NTRK3: variants seen among roughly 807,000 people sequenced by gnomAD.
The protein encoded by NTRK3 is NT-3 growth factor receptor.
Under a neutral mutation model 91.7 loss-of-function variants are expected in NTRK3, and 24 were observed. The ratio of observed to expected loss-of-function variants is 0.26; its 90% CI spans 0.19 to 0.37. The LOEUF (loss-of-function observed/expected upper bound fraction) is 0.37. NTRK3 is among the 10% of genes least tolerant of loss of function. NTRK3 has a pLI of 1.00. For missense variants in NTRK3, 880 were observed against 1,068.9 expected (o/e 0.82, Z 2.46); for synonymous variants, 483 against 404.0 (o/e 1.20, Z -2.34).
Position 87,928,903 on chromosome 15 carries a change from G to A in NTRK3, c.2133+288C>T, listed in dbSNP as rs2068553548. On this transcript the variant is annotated intron_variant, in intron 17 of 18. Coordinates refer to ENST00000394480, the Ensembl canonical transcript of NTRK3. Reference sequence around the variant, plus strand: ...TATACATGTATGAGTATGTTTACATGAAGAATGAGTATTGAAGCACGTAAG... The same window carrying A: ...TATACATGTATGAGTATGTTTACATAAAGAATGAGTATTGAAGCACGTAAG... 2.1e-5 allele frequency: 12 copies of A among 582,742 alleles called. No individual in the cohort carries two copies. The Admixed American group carries it at 3.0e-4, about 15-fold the overall frequency. The allele number at this position is 582,742 out of a possible 1,614,324, so 36.1% of individuals were successfully genotyped here. A position where few individuals can be genotyped will look rare whatever the true frequency, so the allele number is the denominator to read the frequency against.
chr15:87,908,893 A>G (rs2066926091), intron 17 of NTRK3, among the ~76,000 whole-genome samples: 1 of 151,710 alleles, frequency 6.6e-6, no homozygotes, highest in Non-Finnish European at 1.5e-5. Context: ...TGAAGACGCA[A>G]TGGGCTTCCC....
chr15:88,177,045 C>T (rs1310576453), intron 5 of NTRK3, among the ~76,000 whole-genome samples: 1 of 152,020 alleles, frequency 6.6e-6, no homozygotes, highest in East Asian at 1.9e-4. Flanking sequence ...TCAGATGGGC[C>T]AACAGGGACA....
At position 88,012,970 on chromosome 15, in the gene NTRK3, C is replaced by T. The variant is rs533424961; in HGVS notation, c.1585+19887G>A. Among the ~76,000 whole-genome samples the T allele has an allele frequency of 2.7e-3, 416 of 152,294 alleles. 6 individuals carry two copies. The highest frequency in any genetic ancestry group is 2.5e-3 in the Non-Finnish European group (171 of 68,042). On this transcript the variant is annotated intron_variant, in intron 14 of 18. Coordinates refer to ENST00000394480, the Ensembl canonical transcript of NTRK3. ...ACCACACTTGGATAACCCCTGACTT[C>T]GAAGAACAACGGTCTTCTGAAATTC...
At chr15:87,862,539 T>G (rs2064555892) in exon 19 of NTRK3, 1 of 226,840 alleles carries the variant, frequency 4.4e-6, no homozygotes, top group Admixed American at 5.7e-5. Context: ...GTGACTGACT[T>G]GCCTTCCCAA....
chr15:88,176,136 C>CTTTTT (rs139583264), intron 5 of NTRK3, among the ~76,000 whole-genome samples: 2,244 of 115,958 alleles, frequency 0.019, 153 homozygotes, highest in African/African-American at 0.063. Context: ...TATGCCCCTT[C>CTTTTT]TTTTTTTTTT....
chr15:88,218,837 C>T lies in NTRK3; in HGVS notation c.249-34538G>A, dbSNP rs903458177. On this transcript the variant is annotated intron_variant, in intron 3 of 18. Transcript: ENST00000394480. Reference sequence around the variant, plus strand: ...GTGAGAGGTGGAGCTTTAGAGTGCTCAGGAATCCCTTGCCCTAAGAGTTCT... The same window carrying T: ...GTGAGAGGTGGAGCTTTAGAGTGCTTAGGAATCCCTTGCCCTAAGAGTTCT... 5.3e-4 allele frequency among the ~76,000 whole-genome samples: 80 copies of T among 152,236 alleles called. 5 individuals are homozygous for T. Among genetic ancestry groups the T allele is most frequent in the Non-Finnish European group, 8.8e-5 (6 of 68,044 alleles).
At chr15:88,053,857 A>C (rs1464607807) in intron 13 of NTRK3, among the ~76,000 whole-genome samples, 1 of 152,254 alleles carries the variant, frequency 6.6e-6, no homozygotes, top group Non-Finnish European at 1.5e-5. Flanking sequence ...TGGAACTGGT[A>C]AAAATCAGAA....
intron 15 of NTRK3, among the ~76,000 whole-genome samples, chr15:87,933,645 G>T (rs925259441): frequency 6.6e-6 from 1 of 152,226 alleles, no homozygotes; most frequent in African/African-American, 2.4e-5. Flanking sequence ...TTGGAAACTG[G>T]GCAGGCAACA....
chr15:88,243,567 C>CACACACACACACAT lies in NTRK3; in HGVS notation c.248+12338_248+12339insATGTGTGTGTGTGT, dbSNP rs1555571958. 3.3e-4 allele frequency among the ~76,000 whole-genome samples: 49 copies of CACACACACACACAT among 150,550 alleles called. No homozygotes were observed. The highest frequency in any genetic ancestry group is 1.2e-3 in the African/African-American group (48 of 40,732). On this transcript the variant is annotated intron_variant, in intron 3 of 18. Coordinates refer to ENST00000394480, the Ensembl canonical transcript of NTRK3. This position sits in a 1 kb window ranked among gnomAD's most constrained non-coding sequence, Gnocchi z 4.8. Reference sequence around the variant, plus strand: ...ACACACACACACACACACACACACACACACACACACTGAGCAAAAGGTATT... The same window carrying CACACACACACACAT: ...ACACACACACACACACACACACACACACACACACACACATACACACACACTGAGCAAAAGGTATT...
At chr15:88,212,896 C>A (rs752773334) in intron 3 of NTRK3, among the ~76,000 whole-genome samples, 3 of 152,198 alleles carry the variant, frequency 2.0e-5, no homozygotes, top group Non-Finnish European at 4.4e-5. Context: ...GAGTCCAACT[C>A]CATCCTCACC....
At chr15:87,872,126 A>G (rs1224020307) in exon 19 of NTRK3, 1 of 221,538 alleles carries the variant, frequency 4.5e-6, no homozygotes, top group Non-Finnish European at 9.0e-6. Context: ...GCTCCCTACC[A>G]AAGCAGACAA....
chr15:88,164,940 G>A (rs191583853), intron 5 of NTRK3, among the ~76,000 whole-genome samples: 1 of 152,234 alleles, frequency 6.6e-6, no homozygotes, highest in Non-Finnish European at 1.5e-5. Flanking sequence ...GAAGAGATCT[G>A]GTAGTGTTCA....
intron 14 of NTRK3, among the ~76,000 whole-genome samples, chr15:87,943,642 G>A (rs1471868857): frequency 1.3e-5 from 2 of 152,112 alleles, no homozygotes; most frequent in African/African-American, 4.8e-5. Flanking sequence ...TTTTTCAGCT[G>A]CTGTGCCTCG....
intron 14 of NTRK3, among the ~76,000 whole-genome samples, chr15:87,983,558 C>A (rs544015417): frequency 3.3e-5 from 5 of 152,136 alleles, no homozygotes; most frequent in Non-Finnish European, 7.3e-5. Flanking sequence ...ACCTCAACAT[C>A]CCCAAAAGGT....
chr15:87,993,887 G>C (rs2075475904), intron 14 of NTRK3, among the ~76,000 whole-genome samples: 1 of 152,200 alleles, frequency 6.6e-6, no homozygotes, highest in South Asian at 2.1e-4. Flanking sequence ...AAAACCCAGT[G>C]CCAAGAATGG....
chr15:88,089,703 TGA>T (rs1305780993), intron 13 of NTRK3, among the ~76,000 whole-genome samples: 2 of 152,184 alleles, frequency 1.3e-5, no homozygotes, highest in African/African-American at 4.8e-5. Context: ...TCTGTACTCT[TGA>T]GCAGGGCACA....
intron 17 of NTRK3, among the ~76,000 whole-genome samples, chr15:87,917,007 C>G (rs978575182): frequency 1.3e-5 from 2 of 152,154 alleles, no homozygotes; most frequent in Non-Finnish European, 2.9e-5. Context: ...CAAGTGATCC[C>G]CCCGCCTGGG....
At chr15:87,951,906 C>A (rs1235025473) in intron 14 of NTRK3, among the ~76,000 whole-genome samples, 1 of 152,128 alleles carries the variant, frequency 6.6e-6, no homozygotes, top group East Asian at 1.9e-4. Flanking sequence ...GCAGATAGAT[C>A]ACCTGAGGTC....
Position 88,243,018 on chromosome 15 carries a change from G to A in NTRK3, c.248+12888C>T, listed in dbSNP as rs2052510384. On this transcript the variant is annotated intron_variant, in intron 3 of 18. Coordinates refer to ENST00000394480, the Ensembl canonical transcript of NTRK3. The surrounding 1 kb of genome is among the most constrained non-coding windows in gnomAD (Gnocchi z 4.8). ...GGCCATAGGGCCCTCCCACGGAGGA[G>A]GAGGAGCTGCAGCTGCAGGCCCTAA... 6.6e-6 allele frequency among the ~76,000 whole-genome samples: 1 copy of A among 152,200 alleles called. No homozygotes were observed. The highest frequency in any genetic ancestry group is 1.5e-5 in the Non-Finnish European group (1 of 68,030).
Sources: allele counts gnomAD v4.1 joint callset (sites outside exome capture counted in the v4.1 genomes callset), GRCh38; gene constraint gnomAD v4.1.1; non-coding constraint Gnocchi (gnomAD v3.1); transcripts MANE v1.5; gene names NCBI Gene and HGNC (gene_info 2026-07-23, HGNC 2026-07-21).